USP50: variants seen among roughly 807,000 people sequenced by gnomAD.
The protein encoded by USP50 is ubiquitin carboxyl-terminal hydrolase 50.
USP50 carries 37 observed loss-of-function variants against 39.2 expected under a neutral mutation model. The ratio of observed to expected loss-of-function variants is 0.94; its 90% confidence interval spans 0.73 to 1.24. The LOEUF (loss-of-function observed/expected upper bound fraction) is 1.24. Among genes scored for constraint, USP50 ranks in the 50% most tolerant of loss-of-function variants. The probability of loss-of-function intolerance (pLI) is 0.00; values close to 1 mark genes in which losing one functional copy is unlikely to be tolerated. For synonymous variants in USP50, 139 were observed against 144.5 expected (o/e 0.96, Z 0.27); for missense variants, 374 against 398.2 (o/e 0.94, Z 0.52).
intron 6 of USP50, among the ~76,000 whole-genome samples, chr15:50,525,568 A>ATG (rs2052884335): frequency 4.9e-5 from 6 of 122,224 alleles, no homozygotes; most frequent in Non-Finnish European, 8.2e-5. Context: ...ATATATGTAT[A>ATG]TATGTATATG....
chr15:50,499,714 T>TTTAA (rs1491166817), downstream of USP50: 3 of 152,242 alleles, frequency 2.0e-5, no homozygotes, highest in East Asian at 3.9e-4. Flanking sequence ...AAATGGAAAC[T>TTTAA]TTAATTTTTT....
chr15:50,520,655 A>G (rs2052841816), intron 6 of USP50, among the ~76,000 whole-genome samples: 1 of 152,170 alleles, frequency 6.6e-6, no homozygotes, highest in Admixed American at 6.6e-5. Flanking sequence ...CATTCCTAAA[A>G]AGAATGAAAT....
chr15:50,493,323 G>A (rs955985243), downstream of USP50: 3 of 520,264 alleles, frequency 5.8e-6, no homozygotes, highest in African/African-American at 5.8e-5. Flanking sequence ...GAATAAGTAA[G>A]CATTTTGGTG....
At chr15:50,518,172 A>G (rs970214631) in intron 6 of USP50, among the ~76,000 whole-genome samples, 2 of 152,138 alleles carry the variant, frequency 1.3e-5, no homozygotes, top group African/African-American at 4.8e-5. Flanking sequence ...TAGAGAACCC[A>G]GAAATAAATA....
chr15:50,529,277 G>C (rs1385965371), intron 6 of USP50, among the ~76,000 whole-genome samples: 3 of 151,718 alleles, frequency 2.0e-5, no homozygotes, highest in African/African-American at 7.3e-5. Context: ...TAAGGGGCCA[G>C]GGTGGGAGGG....
chr15:50,543,789 A>G lies in USP50; in HGVS notation c.253T>C (p.Cys85Arg). 6.2e-7 allele frequency: 1 copy of G among 1,606,012 alleles called. No individual in the cohort carries two copies. Among genetic ancestry groups the G allele is most frequent in the South Asian group, 1.1e-5 (1 of 89,632 alleles). The change falls in exon 3 of 7, where the codon TGC becomes CGC. Residue 85 changes from cysteine to arginine, a missense_variant. Coordinates refer to ENST00000532404, the MANE Select transcript of USP50 (RefSeq NM_203494.5). Reference sequence around the variant, plus strand: ...GCAAAAGCAGTGGCAACTTCACTGCAATCGCTTGGAAGAAGAAAGGGATAT... The same window carrying G: ...GCAAAAGCAGTGGCAACTTCACTGCGATCGCTTGGAAGAAGAAAGGGATAT... ...GKYITALQND[C>R]SEVATAFAYL...
chr15:50,507,776 AAG>A (rs2052681772), intron 6 of USP50: 1 of 152,132 alleles, frequency 6.6e-6, no homozygotes. Flanking sequence ...ACAAATGTAA[AAG>A]AGTTAGTTTA....
At position 50,500,830 on chromosome 15, in the gene USP50, A is replaced by G. The variant is rs753369617; in HGVS notation, c.944T>C (p.Phe315Ser). The G allele has an allele frequency of 4.4e-6, 7 of 1,579,992 alleles. No homozygotes were observed. The highest frequency in any genetic ancestry group is 1.8e-5 in the Admixed American group (1 of 54,592). The stretch of plus-strand genomic sequence containing the variant: ...GTAGTGGCCACCATCCAAATCACCA[A>G]AATGGTTCTATGGGAGAAAGGAATG... ...KYNLCAVVNH[F>S]GDLDGGHYTA... Residue 315 changes from phenylalanine (F) to serine (S), a missense_variant, in exon 7 of 7, where the codon TTT becomes TCT. Physicochemically the swap from Phe to Ser is radical, Grantham distance 155. Coordinates refer to ENST00000532404, the MANE Select transcript of USP50 (RefSeq NM_203494.5).
intron 4 of USP50, among the ~76,000 whole-genome samples, chr15:50,539,218 C>G (rs1324973950): frequency 6.7e-6 from 1 of 148,916 alleles, no homozygotes; most frequent in East Asian, 2.0e-4. Context: ...AAGTGATTCT[C>G]CTGCCTCAGC....
rs1469531487 is a variant in USP50, at chr15:50,538,838, C to T, written c.674G>A (p.Cys225Tyr). 3 of 1,609,014 alleles carry T rather than the reference C, an allele frequency of 1.9e-6. No individual in the cohort carries two copies. Among genetic ancestry groups the T allele is most frequent in the African/African-American group, 2.7e-5 (2 of 74,682 alleles). Residue 225 changes from cysteine to tyrosine, a missense_variant, in exon 5 of 7, where the codon TGT (cysteine) becomes TAT (tyrosine). Physicochemically the swap from Cys to Tyr is radical, Grantham distance 194 (BLOSUM62 -2). Coordinates refer to ENST00000532404, the MANE Select transcript of USP50 (RefSeq NM_203494.5). Reference protein sequence around the residue: ...YECSLRDCLQCFFQQDALTWN... With the variant: ...YECSLRDCLQYFFQQDALTWN... Reference sequence around the variant, plus strand: ...GGTCAGTGCGTCTTGTTGAAAAAAACATTGGAGACAGTCCTGTTAAGGAAA... The same window carrying T: ...GGTCAGTGCGTCTTGTTGAAAAAAATATTGGAGACAGTCCTGTTAAGGAAA...
chr15:50,531,172 A>T (rs1445594693), intron 5 of USP50, among the ~76,000 whole-genome samples: 1 of 152,144 alleles, frequency 6.6e-6, no homozygotes, highest in African/African-American at 2.4e-5. Context: ...TGTTTTCAAA[A>T]AACTAAGGGA....
intron 6 of USP50, among the ~76,000 whole-genome samples, chr15:50,517,344 C>T (rs553740515): frequency 1.7e-4 from 26 of 151,234 alleles, no homozygotes; most frequent in Admixed American, 5.9e-4. Flanking sequence ...TGTTGGTGGG[C>T]GCCTGTAATC....
intron 2 of USP50, among the ~76,000 whole-genome samples, 167 bp downstream of exon 2, chr15:50,544,420 G>T (rs911127332): frequency 1.8e-4 from 28 of 151,742 alleles, no homozygotes; most frequent in Non-Finnish European, 8.8e-5. Context: ...TTCATTTCTT[G>T]GTTGCCCTTC....
At chr15:50,520,806 G>GT (rs1294135139) in intron 6 of USP50, among the ~76,000 whole-genome samples, 15 of 152,272 alleles carry the variant, frequency 9.9e-5, no homozygotes, top group African/African-American at 3.1e-4. Context: ...TAAAGAGATA[G>GT]TTACCAGAGG....
intron 1 of USP50, among the ~76,000 whole-genome samples, chr15:50,494,842 T>A (rs1161800196): frequency 1.3e-5 from 2 of 151,968 alleles, no homozygotes; most frequent in Non-Finnish European, 2.9e-5. Flanking sequence ...TGGCAAAACC[T>A]CGTCTCTACT....
intron 6 of USP50, among the ~76,000 whole-genome samples, chr15:50,521,784 G>C (rs939310694): frequency 1.3e-5 from 2 of 152,002 alleles, no homozygotes; most frequent in Admixed American, 1.3e-4. Context: ...CCAACACAGT[G>C]AAACCCCCAT....
chr15:50,493,292 G>A (rs1383352076), downstream of USP50: 16 of 514,614 alleles, frequency 3.1e-5, no homozygotes, highest in South Asian at 2.3e-4. Flanking sequence ...AATATTTGAC[G>A]TGAATCTGGT....
chr15:50,527,922 C>T (rs190378853), intron 6 of USP50, among the ~76,000 whole-genome samples: 1 of 152,094 alleles, frequency 6.6e-6, no homozygotes, highest in East Asian at 1.9e-4. Context: ...TAGATGTGAG[C>T]CACCATGCTC....
At chr15:50,496,015 G>T, downstream of USP50, 1 of 1,614,016 alleles carries the variant, frequency 6.2e-7, no homozygotes, top group South Asian at 1.1e-5. Flanking sequence ...GTCACAAAAA[G>T]TCTAGGACAT....
Sources: allele counts gnomAD v4.1 joint callset (sites outside exome capture counted in the v4.1 genomes callset), GRCh38; gene constraint gnomAD v4.1.1; transcripts MANE v1.5; gene names NCBI Gene and HGNC (gene_info 2026-07-23, HGNC 2026-07-21).